TMCO6: variants seen among roughly 807,000 people sequenced by gnomAD.
TMCO6 encodes transmembrane and coiled-coil domains 6.
Under a neutral mutation model 61.8 loss-of-function variants are expected in TMCO6, and 47 were observed. The ratio of observed to expected loss-of-function variants is 0.76; its 90% CI spans 0.60 to 0.97. The LOEUF (loss-of-function observed/expected upper bound fraction) is 0.97. TMCO6 is among the 50% of genes least tolerant of loss of function. The pLI, the probability that TMCO6 is intolerant of heterozygous loss-of-function variation, is 0.00. For synonymous variants in TMCO6, 261 were observed against 254.2 expected, an observed-to-expected ratio of 1.03 and a Z score of -0.25; for missense variants, 557 against 601.6, an observed-to-expected ratio of 0.93 and a Z score of 0.78.
At chr5:140,601,052 T>C in the TMCO6 span, among the ~76,000 whole-genome samples, 1 of 151,896 alleles carries the variant, frequency 6.6e-6, no homozygotes, top group Non-Finnish European at 1.5e-5. Context: ...TCTTAAAACA[T>C]CCGTGTATAG....
the TMCO6 span, among the ~76,000 whole-genome samples, chr5:140,605,461 C>G: frequency 4.6e-5 from 7 of 152,104 alleles, no homozygotes; most frequent in Non-Finnish European, 8.8e-5. Flanking sequence ...GGGTGCATCA[C>G]CTGAGGTCAG....
At chr5:140,647,506 G>T (rs1394010286), downstream of TMCO6, 1 of 1,612,600 alleles carries the variant, frequency 6.2e-7, no homozygotes, top group Non-Finnish European at 8.5e-7. Context: ...TGCCGGGCGA[G>T]CGCTGACATA....
chr5:140,620,285 A>G, the TMCO6 span, among the ~76,000 whole-genome samples: 3,400 of 152,338 alleles, frequency 0.022, 138 homozygotes, highest in African/African-American at 0.078. Flanking sequence ...AAAATAATAC[A>G]TACTGTGTAA....
intron 4 of TMCO6, 100 bp from the exon 5 acceptor site, chr5:140,642,215 A>T (rs1268459984): frequency 3.6e-6 from 5 of 1,388,614 alleles, no homozygotes; most frequent in Non-Finnish European, 4.9e-6. Context: ...AGCCGCAAGG[A>T]TAGCTGCTCC....
rs766002671 is a variant in TMCO6 at position 140,641,896 on chromosome 5, T to C, written c.341T>C (p.Val114Ala). 2.5e-6 allele frequency: 4 copies of C among 1,613,074 alleles called. No individual in the cohort carries two copies. In the African/African-American group the frequency reaches 5.3e-5, roughly 22 times the overall value. Residue 114 changes from valine (V) to alanine (A), a missense_variant, in exon 4 of 12, where the codon GTC becomes GCC. Val to Ala is a moderately conservative substitution (Grantham distance 64). Transcript: ENST00000394671. ...IRLEGSMRTL[V>A]GLLTSNQALL... ...CTGGAGGGCAGCATGCGGACCCTGG[T>C]CGGGCTCCTGACCAGCAACCAGGCC...
chr5:140,642,206 G>A, intron 4 of TMCO6, 109 bp from the exon 5 acceptor site: 1 of 1,388,608 alleles, frequency 7.2e-7, no homozygotes, highest in African/African-American at 1.4e-5. Flanking sequence ...CCTCTTGTGA[G>A]CCGCAAGGAT....
At chr5:140,631,773 T>C in the TMCO6 span, 4 of 1,305,626 alleles carry the variant, frequency 3.1e-6, no homozygotes, top group African/African-American at 5.9e-5. Flanking sequence ...AAGGGTTGAA[T>C]TGGTCGAAAA....
At chr5:140,637,974 C>CCTTT (rs202156970), upstream of TMCO6, among the ~76,000 whole-genome samples, 34,145 of 150,450 alleles carry the variant, frequency 0.23, 3,975 homozygotes, top group East Asian at 0.29. Context: ...TTCTTTTCTC[C>CCTTT]CTTTCTTTCT....
chr5:140,623,810 A>G, the TMCO6 span, among the ~76,000 whole-genome samples: 54,119 of 151,902 alleles, frequency 0.36, 10,795 homozygotes, highest in African/African-American at 0.54. Context: ...CAAACTCCTG[A>G]CCTCAAGTGA....
In TMCO6 at chr5:140,639,753, CG is replaced by C; in HGVS notation, c.102del (p.Arg35GlyfsTer11). 6.3e-7 allele frequency: 1 copy of C among 1,598,940 alleles called. No homozygotes were observed. The highest frequency in any genetic ancestry group is 8.5e-7 in the Non-Finnish European group (1 of 1,173,858). ...REREAALRKA[R>X]REQQLVSKRL... ...TCTGCCCCCAGCACTGCGGAAGGCGCGGAGGGAGCAGCAGCTGGTCAGCAAG... is the reference window on the plus strand; with the variant it reads ...TCTGCCCCCAGCACTGCGGAAGGCGCGAGGGAGCAGCAGCTGGTCAGCAAG... On this transcript the variant is annotated frameshift_variant, in exon 2 of 12. Coordinates refer to ENST00000394671, the MANE Select transcript of TMCO6 (RefSeq NM_018502.5). LOFTEE classifies it high-confidence loss of function.
chr5:140,638,937 G>T, upstream of TMCO6: 1 of 153,496 alleles, frequency 6.5e-6, no homozygotes, highest in South Asian at 1.9e-4. Context: ...GACCACCTTG[G>T]GCACATGTTC....
At chr5:140,625,859 T>C in the TMCO6 span, among the ~76,000 whole-genome samples, 2 of 152,104 alleles carry the variant, frequency 1.3e-5, no homozygotes, top group Admixed American at 6.6e-5. Context: ...GTGATGTTGG[T>C]TTACAAGGTG....
the TMCO6 span, among the ~76,000 whole-genome samples, chr5:140,613,638 C>T: frequency 2.0e-5 from 3 of 152,126 alleles, no homozygotes. Flanking sequence ...CAGCAGGACT[C>T]CCTTTTCTCC....
the TMCO6 span, among the ~76,000 whole-genome samples, chr5:140,617,993 G>A: frequency 6.6e-6 from 1 of 152,144 alleles, no homozygotes. Flanking sequence ...AAAGTTGGAG[G>A]ACTGACACTA....
upstream of TMCO6, among the ~76,000 whole-genome samples, chr5:140,637,200 G>A (rs1461242189): frequency 2.6e-5 from 4 of 152,152 alleles, no homozygotes; most frequent in African/African-American, 7.2e-5. Context: ...ACAAAGAGAA[G>A]GTCCCAGAAG....
the TMCO6 span, among the ~76,000 whole-genome samples, chr5:140,613,409 A>T: frequency 7.5e-5 from 10 of 132,768 alleles, no homozygotes; most frequent in African/African-American, 2.6e-4. Flanking sequence ...AAAAAAAAAA[A>T]AAAAAAATGG....
the TMCO6 span, among the ~76,000 whole-genome samples, chr5:140,629,499 A>G: frequency 6.6e-6 from 1 of 152,198 alleles, no homozygotes. Flanking sequence ...TCTTCAGGCT[A>G]TTATCTAAAG....
the TMCO6 span, among the ~76,000 whole-genome samples, chr5:140,612,450 C>T: frequency 6.6e-6 from 1 of 151,068 alleles, no homozygotes; most frequent in African/African-American, 2.4e-5. Flanking sequence ...CGCCATTCTC[C>T]TGCCTCAGCC....
In TMCO6 at chr5:140,645,378, CAG is replaced by C. The variant is rs1398776684; in HGVS notation, c.*282_*283del. ...CAGCAGCTGGTAGCTTTTGATGAGA[CAG>C]AATAAAGTTTTATTTTTATATTAAG... is the stretch of plus-strand genomic sequence containing the variant. On this transcript the variant is annotated 3_prime_UTR_variant, in exon 12 of 12. Coordinates refer to ENST00000394671, the MANE Select transcript of TMCO6 (RefSeq NM_018502.5). 2 of 793,726 alleles carry C rather than the reference CAG, an allele frequency of 2.5e-6. No individual in the cohort carries two copies. The highest frequency in any genetic ancestry group is 4.0e-5 in the Admixed American group (2 of 49,856). The allele number at this position is 793,726 out of a possible 1,614,324, so 49.2% of individuals were successfully genotyped here.
Sources: gnomAD v4.1 joint callset for allele counts (sites outside exome capture counted in the v4.1 genomes callset) on GRCh38, gnomAD v4.1.1 for gene constraint, MANE v1.5 for transcripts, NCBI Gene and HGNC (gene_info 2026-07-23, HGNC 2026-07-21) for gene names.